The following MAD1L1 variants were observed in gnomAD, a reference collection of about 807,000 sequenced individuals.
The protein encoded by MAD1L1 is mitotic arrest deficient 1 like 1, also known as mitotic spindle assembly checkpoint protein MAD1.
A neutral mutation model predicts 96.9 loss-of-function variants in MAD1L1; 95 were observed. That is an observed-to-expected ratio of 0.98 (90% CI 0.83 to 1.16). MAD1L1 has a LOEUF of 1.16. Ranked by LOEUF, MAD1L1 falls within the 50% of genes most tolerant of loss-of-function variation. The pLI is 0.00. For missense variants in MAD1L1, 1,007 were observed against 954.4 expected, an observed-to-expected ratio of 1.06 and a Z score of -0.73; for synonymous variants, 473 against 396.6, an observed-to-expected ratio of 1.19 and a Z score of -2.29.
intron 12 of MAD1L1, among the ~76,000 whole-genome samples, chr7:2,062,605 G>C (rs948386511): frequency 2.0e-5 from 3 of 152,094 alleles, no homozygotes; most frequent in Admixed American, 2.0e-4. Context: ...AGTGAAGTCA[G>C]GAGGCGCTTG....
intron 12 of MAD1L1, among the ~76,000 whole-genome samples, chr7:2,064,691 AGCTTCTCCCAGGAGGACAGCG>A (rs1182935792): frequency 2.7e-5 from 4 of 148,920 alleles, no homozygotes; most frequent in Non-Finnish European, 4.5e-5. Flanking sequence ...GGAATATGGC[AGCTTCTCCCAGGAGGACAGCG>A]GCTTCTCCCA....
intron 16 of MAD1L1, among the ~76,000 whole-genome samples, 169 bp from the exon 17 acceptor site, chr7:1,937,066 G>A (rs185297058): frequency 2.6e-5 from 4 of 152,348 alleles, no homozygotes; most frequent in Admixed American, 2.0e-4. Context: ...ATCTCTCCTG[G>A]AAGGAGTGGC....
intron 18 of MAD1L1, among the ~76,000 whole-genome samples, chr7:1,868,126 C>T (rs952065287): frequency 2.0e-5 from 3 of 152,198 alleles, no homozygotes; most frequent in Non-Finnish European, 4.4e-5. Context: ...TGCCATTCAG[C>T]CCAGCGAGGT....
At chr7:2,172,283 C>A (rs1172842848) in intron 10 of MAD1L1, among the ~76,000 whole-genome samples, 1 of 152,158 alleles carries the variant, frequency 6.6e-6, no homozygotes, top group East Asian at 1.9e-4. Context: ...CAGACAAGCA[C>A]ACGAGGCTCG....
At chr7:2,216,627 T>C (rs772120547) in intron 7 of MAD1L1, among the ~76,000 whole-genome samples, 15 of 152,178 alleles carry the variant, frequency 9.9e-5, no homozygotes, top group Non-Finnish European at 1.8e-4. Context: ...GTGACACTGA[T>C]GTGTCCAGGC....
At chr7:2,094,316 G>A (rs1786364834) in intron 11 of MAD1L1, among the ~76,000 whole-genome samples, 1 of 152,184 alleles carries the variant, frequency 6.6e-6, no homozygotes, top group African/African-American at 2.4e-5. Context: ...TCTCACATCG[G>A]GAACGGGACA....
intron 18 of MAD1L1, among the ~76,000 whole-genome samples, chr7:1,881,825 G>A (rs758860112): frequency 6.6e-5 from 10 of 152,178 alleles, no homozygotes; most frequent in Non-Finnish European, 1.3e-4. Flanking sequence ...TCCAGGTGAC[G>A]GGTGATGAGC....
chr7:2,195,710 T>C (rs1004212737), intron 10 of MAD1L1, among the ~76,000 whole-genome samples: 1 of 152,192 alleles, frequency 6.6e-6, no homozygotes, highest in African/African-American at 2.4e-5. Flanking sequence ...AAACGCTTCC[T>C]CTCCCAAGTA....
In MAD1L1 at chr7:2,169,286, G is replaced by A. The variant is rs149386891; in HGVS notation, c.987-20048C>T. 1.2e-4 allele frequency among the ~76,000 whole-genome samples: 18 copies of A among 152,292 alleles called. No homozygotes were observed. The South Asian group carries it at 3.1e-3, about 26-fold the overall frequency. On this transcript the variant is annotated intron_variant, in intron 10 of 18. Transcript: ENST00000265854. ...ATCTCCTAAGAGCGGGTAGGGATGCGACTGGTGGGATTACGGGGGATTGGC... is the reference window on the plus strand; with the variant it reads ...ATCTCCTAAGAGCGGGTAGGGATGCAACTGGTGGGATTACGGGGGATTGGC...
At chr7:1,885,800 GTC>G (rs897971154) in intron 18 of MAD1L1, among the ~76,000 whole-genome samples, 1 of 152,168 alleles carries the variant, frequency 6.6e-6, no homozygotes, top group Non-Finnish European at 1.5e-5. Context: ...TTCCAGTCCT[GTC>G]TCTCTCCCTC....
chr7:1,925,989 A>C (rs1359009951), intron 17 of MAD1L1, among the ~76,000 whole-genome samples: 2 of 152,036 alleles, frequency 1.3e-5, no homozygotes, highest in Non-Finnish European at 2.9e-5. Flanking sequence ...GATCAGTGAA[A>C]TTTATACATC....
chr7:2,063,573 G>T (rs529066684), intron 12 of MAD1L1, among the ~76,000 whole-genome samples: 1 of 152,174 alleles, frequency 6.6e-6, no homozygotes, highest in African/African-American at 2.4e-5. Context: ...CCACCCACAC[G>T]TCCTATGGGA....
intron 17 of MAD1L1, among the ~76,000 whole-genome samples, chr7:1,928,784 G>A (rs561010096): frequency 6.6e-6 from 1 of 152,308 alleles, no homozygotes; most frequent in East Asian, 1.9e-4. Flanking sequence ...TGTGCCACGT[G>A]AGAGCTGGGC....
intron 10 of MAD1L1, among the ~76,000 whole-genome samples, chr7:2,160,523 C>T (rs989114439): frequency 6.9e-5 from 10 of 144,710 alleles, no homozygotes; most frequent in Non-Finnish European, 1.1e-4. Flanking sequence ...TTAGTAAAGA[C>T]GGGGTTTCAC....
At chr7:1,960,444 T>C (rs1779907900) in intron 15 of MAD1L1, among the ~76,000 whole-genome samples, 2 of 152,074 alleles carry the variant, frequency 1.3e-5, no homozygotes, top group Non-Finnish European at 2.9e-5. Flanking sequence ...GCACTTTAAA[T>C]ACAAAGATGC....
intron 12 of MAD1L1, among the ~76,000 whole-genome samples, chr7:2,019,824 C>T (rs915495720): frequency 6.6e-6 from 1 of 152,248 alleles, no homozygotes; most frequent in African/African-American, 2.4e-5. Context: ...ATGCCCTGGC[C>T]CCCACAACCA....
At chr7:2,086,536 G>A (rs1273236626) in intron 11 of MAD1L1, among the ~76,000 whole-genome samples, 1 of 152,206 alleles carries the variant, frequency 6.6e-6, no homozygotes, top group African/African-American at 2.4e-5. Flanking sequence ...AGACAGGCCA[G>A]CCACAATTGC....
In MAD1L1 at chr7:1,941,321, C is replaced by T. The variant is rs1318145682; in HGVS notation, c.1597-4424G>A. On this transcript the variant is annotated intron_variant, in intron 16 of 18. Coordinates refer to ENST00000265854, the MANE Select transcript of MAD1L1 (RefSeq NM_001013836.2). ...GCCCCCAGCCAGGGTGCCCCACGAC[C>T]GGCCCATCATCCTGGGATGAGGTTT... Among the ~76,000 whole-genome samples, 6 of 152,210 alleles carry T rather than the reference C, an allele frequency of 3.9e-5. No individual in the cohort carries two copies. In the Middle Eastern group the frequency reaches 0.01, roughly 261 times the overall value.
intron 18 of MAD1L1, among the ~76,000 whole-genome samples, chr7:1,884,159 G>C (rs1480937026): frequency 2.0e-5 from 3 of 152,252 alleles, no homozygotes; most frequent in Non-Finnish European, 2.9e-5. Context: ...GGCAGGGCCA[G>C]TGGCCAGGAG....
Sources: gnomAD v4.1 joint callset for allele counts (sites outside exome capture counted in the v4.1 genomes callset) on GRCh38, gnomAD v4.1.1 for gene constraint, MANE v1.5 for transcripts, NCBI Gene and HGNC (gene_info 2026-07-23, HGNC 2026-07-21) for gene names.